The following EPHB4 variants were observed in gnomAD, a reference collection of about 807,000 sequenced individuals.
The protein encoded by EPHB4 is ephrin type-B receptor 4.
Under a neutral mutation model 110.6 loss-of-function variants are expected in EPHB4, and 50 were observed. The ratio of observed to expected loss-of-function variants is 0.45; its 90% CI spans 0.36 to 0.57. EPHB4 has a LOEUF of 0.57. Among genes scored for constraint, EPHB4 ranks in the 20% least tolerant of loss-of-function variants. The pLI, the probability that EPHB4 is intolerant of heterozygous loss-of-function variation, is 0.00. For missense variants in EPHB4, 1,128 were observed against 1,382.1 expected (o/e 0.82, Z 2.91); for synonymous variants, 592 against 578.4 (o/e 1.02, Z -0.34).
At position 100,820,213 on chromosome 7, in the gene EPHB4, C is replaced by G; in HGVS notation, c.892G>C (p.Gly298Arg). ...CPANSHSNTIGSAVCQCRVGY... is the reference protein window; with the variant it reads ...CPANSHSNTIRSAVCQCRVGY... ...ACGCGGCACTGGCAGACGGCTGATC[C>G]AATGGTGTTAGAGTGGCTATTGGCT... The change falls in exon 5 of 17, where the codon GGA becomes CGA. Residue 298 changes from glycine to arginine, a missense_variant. Around this residue, in one of 3 missense-constraint regions of EPHB4, gnomAD observed 728 missense variants for 828.6 expected, o/e 0.88. Coordinates refer to ENST00000358173, the MANE Select transcript of EPHB4 (RefSeq NM_004444.5). 6.2e-7 allele frequency: 1 copy of G among 1,614,148 alleles called. No individual in the cohort carries two copies. The highest frequency in any genetic ancestry group is 8.5e-7 in the Non-Finnish European group (1 of 1,180,020).
chr7:100,804,468 C>G (rs904038853), intron 16 of EPHB4, among the ~76,000 whole-genome samples: 8 of 151,968 alleles, frequency 5.3e-5, no homozygotes, highest in Admixed American at 2.0e-4. Flanking sequence ...GCACGCACCA[C>G]CATGCCCAGC....
At chr7:100,804,292 C>T (rs1246919730) in intron 16 of EPHB4, among the ~76,000 whole-genome samples, 1 of 150,480 alleles carries the variant, frequency 6.6e-6, no homozygotes, top group Admixed American at 6.7e-5. Context: ...TGAGCCACCA[C>T]CTGGCCTTCA....
At chr7:100,824,487 G>A in intron 1 of EPHB4, 2 of 573,886 alleles carry the variant, frequency 3.5e-6, no homozygotes, top group Non-Finnish European at 6.2e-6. Flanking sequence ...GGTAGGCATG[G>A]GGCTCCCTTG....
chr7:100,815,616 C>T (rs1221021538), intron 8 of EPHB4, among the ~76,000 whole-genome samples: 1 of 152,188 alleles, frequency 6.6e-6, no homozygotes, highest in Non-Finnish European at 1.5e-5. Context: ...CGATTGTACA[C>T]TTTGAACAGG....
rs1255678529 is a variant in EPHB4, at chr7:100,819,753, T to G, written c.1101A>C (p.Gly367=). ...YALRCRECRP[G]GSCAPCGGDL... The stretch of plus-strand genomic sequence containing the variant: ...CTCCCCCGCAGGGCGCACAGGAGCC[T>G]CCGGGTCGGCACTCCCGGCAGCGGA... Residue 367 remains glycine (G), a synonymous_variant, in exon 6 of 17, where the codon GGA becomes GGC. Coordinates refer to ENST00000358173, the MANE Select transcript of EPHB4 (RefSeq NM_004444.5). The G allele has an allele frequency of 6.2e-7, 1 of 1,605,074 alleles. No individual in the cohort carries two copies. Among genetic ancestry groups the G allele is most frequent in the Admixed American group, 1.7e-5 (1 of 58,332 alleles).
Position 100,813,138 on chromosome 7 carries a change from C to T in EPHB4, c.1827G>A (p.Glu609=). Residue 609 remains glutamate, a synonymous_variant, in exon 11 of 17, where the codon GAG becomes GAA. Transcript: ENST00000358173. ...CAATCTTGACGTAGGAGACATCGAT[C>T]TCTTTTGCAAATTCCCTCACAGCCT... ...PNEAVREFAK[E]IDVSYVKIEE... 6.2e-7 allele frequency: 1 copy of T among 1,612,256 alleles called. No homozygotes were observed. The highest frequency in any genetic ancestry group is 8.5e-7 in the Non-Finnish European group (1 of 1,180,046).
chr7:100,826,000 A>AG (rs1313206995), intron 1 of EPHB4, among the ~76,000 whole-genome samples: 1 of 152,190 alleles, frequency 6.6e-6, no homozygotes, highest in Non-Finnish European at 1.5e-5. Context: ...CTGCCCAGCC[A>AG]GGGGGAGAGG....
At position 100,819,767 on chromosome 7, in the gene EPHB4, C is replaced by T. The variant is rs1302206828; in HGVS notation, c.1087G>A (p.Glu363Lys). Residue 363 changes from glutamate to lysine, a missense_variant, in exon 6 of 17, where the codon GAG (glutamate) becomes AAG (lysine). Coordinates refer to ENST00000358173, the MANE Select transcript of EPHB4 (RefSeq NM_004444.5). Reference protein sequence around the residue: ...EDLTYALRCRECRPGGSCAPC... With the variant: ...EDLTYALRCRKCRPGGSCAPC... ...GCACAGGAGCCTCCGGGTCGGCACT[C>T]CCGGCAGCGGAGGGCGTAGGTGAGG... 1.3e-6 allele frequency: 2 copies of T among 1,596,458 alleles called. No homozygotes were observed. Among genetic ancestry groups the T allele is most frequent in the Non-Finnish European group, 1.7e-6 (2 of 1,171,998 alleles).
Position 100,813,219 on chromosome 7 carries a change from A to C in EPHB4, c.1757-11T>G. The C allele has an allele frequency of 6.3e-7, 1 of 1,597,352 alleles. No homozygotes were observed. The highest frequency in any genetic ancestry group is 8.5e-7 in the Non-Finnish European group (1 of 1,177,692). On this transcript the variant is annotated splice_polypyrimidine_tract_variant and intron_variant, in intron 10 of 16. Transcript: ENST00000358173. ...TGTAGACCTTAGTACCTGAGAAATCAGGCAGGGCCCCGTCAGCTGGGAATT... is the reference window on the plus strand; with the variant it reads ...TGTAGACCTTAGTACCTGAGAAATCCGGCAGGGCCCCGTCAGCTGGGAATT...
At chr7:100,820,454 G>C in intron 4 of EPHB4, 158 bp from the exon 5 acceptor site, 2 of 540,712 alleles carry the variant, frequency 3.7e-6, no homozygotes, top group East Asian at 4.1e-5. Context: ...AACATATCGA[G>C]ATCCCATCTC....
Position 100,822,813 on chromosome 7 carries a change from G to C in EPHB4, c.412-146C>G. On this transcript the variant is annotated intron_variant, in intron 3 of 16. Coordinates refer to ENST00000358173, the MANE Select transcript of EPHB4 (RefSeq NM_004444.5). This position sits in a 1 kb window ranked among gnomAD's most constrained non-coding sequence, Gnocchi z 4.7. ...CCACCTTCCCCAGGGCACACTTTCT[G>C]CAGGCCCCCACACTGTCCATTCAGC... 7.8e-7 allele frequency: 1 copy of C among 1,274,718 alleles called. No homozygotes were observed. The highest frequency in any genetic ancestry group is 1.0e-6 in the Non-Finnish European group (1 of 955,598). The allele number at this position is 1,274,718 out of a possible 1,614,324, so 79.0% of individuals were successfully genotyped here. A position where few individuals can be genotyped will look rare whatever the true frequency, so the allele number is the denominator to read the frequency against.
At chr7:100,813,754 T>A (rs1813002488) in intron 9 of EPHB4, 38 bp from the exon 10 acceptor site, 1 of 1,613,326 alleles carries the variant, frequency 6.2e-7, no homozygotes. Flanking sequence ...GTAAACTGAG[T>A]CACACATCTT....
rs367658028 is a variant in EPHB4 at position 100,823,784 on chromosome 7, G to A, written c.271C>T (p.Arg91Cys). The change falls in exon 3 of 17, where the codon CGC becomes TGC. Residue 91 changes from arginine (R) to cysteine (C), a missense_variant. Arg to Cys is a radical substitution (Grantham distance 180, BLOSUM62 -3). Transcript: ENST00000358173. ...RGAVHVYATL[R>C]FTMLECLSLP... ...GACAGGCACTCGAGCATGGTGAAGC[G>A]CAGCGTGGCGTACACGTGGACGGCG... The A allele has an allele frequency of 1.5e-5, 25 of 1,613,388 alleles. No homozygotes were observed. Among genetic ancestry groups the A allele is most frequent in the South Asian group, 9.9e-5 (9 of 91,092 alleles).
intron 8 of EPHB4, among the ~76,000 whole-genome samples, chr7:100,815,643 G>A (rs753374085): frequency 5.9e-5 from 9 of 152,110 alleles, no homozygotes; most frequent in Non-Finnish European, 8.8e-5. Context: ...GTATGGCAGG[G>A]GAACTGTATT....
chr7:100,813,929 G>C lies in EPHB4; in HGVS notation c.1681C>G (p.Leu561Val), dbSNP rs199707528. 6.2e-7 allele frequency: 1 copy of C among 1,614,150 alleles called. No individual in the cohort carries two copies. Among genetic ancestry groups the C allele is most frequent in the African/African-American group, 1.3e-5 (1 of 75,058 alleles). ...TGTCAGAGCCCTTACCTGAGGCAGA[G>C]AACTGCGACCACAATGACCACCAGG... ...LVLVVIVVAV[L>V]CLRKQSNGRE... Residue 561 changes from leucine (L) to valine (V), a missense_variant, in exon 9 of 17, where the codon CTC becomes GTC. Transcript: ENST00000358173.
chr7:100,812,879 C>G lies in EPHB4; in HGVS notation c.1986G>C (p.Leu662=), dbSNP rs1275431981. 6.2e-7 allele frequency: 1 copy of G among 1,614,112 alleles called. No individual in the cohort carries two copies. The highest frequency in any genetic ancestry group is 1.3e-5 in the African/African-American group (1 of 74,940). The change falls in exon 12 of 17, where the codon CTG becomes CTC. Residue 662 remains leucine, a synonymous_variant. Coordinates refer to ENST00000358173, the MANE Select transcript of EPHB4 (RefSeq NM_004444.5). ...GYTERQRREF[L]SEASIMGQFE... ...ACTGGCCCATGATGGAGGCCTCGCT[C>G]AGAAACTCACGCCGCTGCCGCTCCG... is the stretch of plus-strand genomic sequence containing the variant.
At chr7:100,803,687 C>T in intron 16 of EPHB4, 97 bp from the exon 17 acceptor site, 1 of 1,374,694 alleles carries the variant, frequency 7.3e-7, no homozygotes, top group African/African-American at 1.4e-5. Flanking sequence ...GGATTGTAAG[C>T]CAATCAGAAA....
chr7:100,822,714 G>A lies in EPHB4; in HGVS notation c.412-47C>T. 1 of 1,471,600 alleles carries A rather than the reference G, an allele frequency of 6.8e-7. No individual in the cohort carries two copies. Among genetic ancestry groups the A allele is most frequent in the Non-Finnish European group, 9.0e-7 (1 of 1,108,394 alleles). The allele number at this position is 1,471,600 out of a possible 1,614,324, so 91.2% of individuals were successfully genotyped here. A position where few individuals can be genotyped will look rare whatever the true frequency, so the allele number is the denominator to read the frequency against. On this transcript the variant is annotated intron_variant, in intron 3 of 16. Coordinates refer to ENST00000358173, the MANE Select transcript of EPHB4 (RefSeq NM_004444.5). This position sits in a 1 kb window ranked among gnomAD's most constrained non-coding sequence, Gnocchi z 4.7. ...ACCGCTGCTGTCCCCACTCCCTGAG[G>A]ACCCAGCGGACTGTTGTGTTCTTCC... is the stretch of plus-strand genomic sequence containing the variant.
At position 100,812,930 on chromosome 7, in the gene EPHB4, T is replaced by C. The variant is rs1409466619; in HGVS notation, c.1935A>G (p.Ala645=). ...TGTAGCCACCCTTCAGGGTCTTGAT[T>C]GCCACACAGCTCTCCTTCTTCCCTG... ...KAPGKKESCV[A]IKTLKGGYTE... is the part of the protein sequence containing the mutation. The change falls in exon 12 of 17, where the codon GCA becomes GCG. Residue 645 remains alanine, a synonymous_variant. Transcript: ENST00000358173. The C allele has an allele frequency of 1.2e-6, 2 of 1,614,214 alleles. No homozygotes were observed. The highest frequency in any genetic ancestry group is 1.7e-6 in the Non-Finnish European group (2 of 1,180,038).
Sources: gnomAD v4.1 joint callset for allele counts (sites outside exome capture counted in the v4.1 genomes callset) on GRCh38, gnomAD v4.1.1 for gene constraint, gnomAD v4.1.1 regional missense constraint, Gnocchi (gnomAD v3.1) non-coding constraint, MANE v1.5 for transcripts, NCBI Gene and HGNC (gene_info 2026-07-23, HGNC 2026-07-21) for gene names.